Variants in CSNK1G1 observed in about 807,000 individuals in gnomAD.
The protein encoded by CSNK1G1 is casein kinase I isoform gamma-1.
In CSNK1G1, 22 loss-of-function variants were observed where a neutral mutation model predicts 59.6. That is an observed-to-expected ratio of 0.37 (90% CI 0.26 to 0.53). The LOEUF (loss-of-function observed/expected upper bound fraction) is 0.53, where lower values mean the gene tolerates loss of function less well. Among genes scored for constraint, CSNK1G1 ranks in the 20% least tolerant of loss-of-function variants. CSNK1G1 has a pLI of 0.89. For synonymous variants in CSNK1G1, 179 were observed against 177.1 expected, an observed-to-expected ratio of 1.01 and a Z score of -0.08; for missense variants, 384 against 519.5, an observed-to-expected ratio of 0.74 and a Z score of 2.54.
chr15:64,215,527 T>A (rs777889822), intron 5 of CSNK1G1, among the ~76,000 whole-genome samples: 22 of 152,198 alleles, frequency 1.4e-4, no homozygotes, highest in Non-Finnish European at 2.8e-4. Context: ...CTACTAACTT[T>A]TAGTAGAGAA....
chr15:64,325,041 A>G (rs191404367), intron 1 of CSNK1G1, among the ~76,000 whole-genome samples: 1 of 152,334 alleles, frequency 6.6e-6, no homozygotes, highest in East Asian at 1.9e-4. Flanking sequence ...TTGAACATGT[A>G]AAAAGCATCT....
intron 2 of CSNK1G1, among the ~76,000 whole-genome samples, chr15:64,268,307 C>G (rs1893090391): frequency 6.6e-6 from 1 of 151,972 alleles, no homozygotes; most frequent in African/African-American, 2.4e-5. Flanking sequence ...TGGTGGTTAT[C>G]AGAGGCTGGG....
intron 4 of CSNK1G1, among the ~76,000 whole-genome samples, chr15:64,231,464 T>C (rs1050040291): frequency 3.3e-5 from 5 of 149,706 alleles, no homozygotes; most frequent in African/African-American, 4.9e-5. Flanking sequence ...CACATATACA[T>C]ATATATATTA....
intron 1 of CSNK1G1, among the ~76,000 whole-genome samples, chr15:64,308,684 C>T (rs746987527): frequency 1.3e-5 from 2 of 152,042 alleles, no homozygotes; most frequent in Non-Finnish European, 1.5e-5. Context: ...ATCACGAGGT[C>T]AGGAGATCGA....
At chr15:64,265,763 C>T (rs1892943780) in intron 2 of CSNK1G1, 2 of 455,224 alleles carry the variant, frequency 4.4e-6, no homozygotes, top group Non-Finnish European at 8.8e-6. Context: ...AGAACACACA[C>T]ACCAAAAATG....
At chr15:64,304,483 G>C (rs891528150) in intron 1 of CSNK1G1, among the ~76,000 whole-genome samples, 22 of 150,468 alleles carry the variant, frequency 1.5e-4, no homozygotes, top group African/African-American at 5.4e-4. Context: ...AAGTTACTAA[G>C]TTTTTTAAAA....
At chr15:64,320,721 G>A (rs1226644592) in intron 1 of CSNK1G1, among the ~76,000 whole-genome samples, 1 of 151,098 alleles carries the variant, frequency 6.6e-6, no homozygotes, top group Non-Finnish European at 1.5e-5. Flanking sequence ...AAGAATACGG[G>A]TCCCATGCAA....
intron 4 of CSNK1G1, among the ~76,000 whole-genome samples, chr15:64,248,006 A>G (rs1312495533): frequency 6.6e-6 from 1 of 152,254 alleles, no homozygotes; most frequent in Non-Finnish European, 1.5e-5. Context: ...TTCACTGGAC[A>G]GTAATGAACA....
intron 6 of CSNK1G1, among the ~76,000 whole-genome samples, chr15:64,209,635 C>T (rs1290149983): frequency 6.6e-6 from 1 of 151,380 alleles, no homozygotes; most frequent in African/African-American, 2.4e-5. Flanking sequence ...CTGAAGTTTG[C>T]AATAAAATAT....
Position 64,334,958 on chromosome 15 carries a change from C to CT in CSNK1G1, c.-225+21029dup, listed in dbSNP as rs1566951783. Among the ~76,000 whole-genome samples, 8 of 152,296 alleles carry CT rather than the reference C, an allele frequency of 5.3e-5. No homozygotes were observed. In the South Asian group the frequency reaches 1.4e-3, roughly 28 times the overall value. ...CTATAACTACCTAATTTAGAGTAAG[C>CT]TTAGAGACCACAATATTATTTCCAT... On this transcript the variant is annotated intron_variant, in intron 1 of 11. Transcript: ENST00000303052.
intron 1 of CSNK1G1, among the ~76,000 whole-genome samples, chr15:64,326,417 G>A (rs1022729649): frequency 5.3e-5 from 8 of 152,090 alleles, no homozygotes; most frequent in Admixed American, 1.3e-4. Flanking sequence ...GCCGAGGTGC[G>A]CAGATCACCC....
chr15:64,185,963 T>C (rs1293768430), intron 10 of CSNK1G1, among the ~76,000 whole-genome samples: 1 of 152,052 alleles, frequency 6.6e-6, no homozygotes, highest in African/African-American at 2.4e-5. Flanking sequence ...ACCAAAGAGC[T>C]GCTCTTGCAG....
chr15:64,258,848 TTAAG>T (rs1892536643), intron 3 of CSNK1G1, among the ~76,000 whole-genome samples: 1 of 152,140 alleles, frequency 6.6e-6, no homozygotes, highest in Non-Finnish European at 1.5e-5. Flanking sequence ...AATAAATCAG[TTAAG>T]TTAGAGAAAA....
At chr15:64,351,592 T>C (rs1898289728) in intron 1 of CSNK1G1, among the ~76,000 whole-genome samples, 1 of 152,174 alleles carries the variant, frequency 6.6e-6, no homozygotes, top group African/African-American at 2.4e-5. Flanking sequence ...ATTAATAGAT[T>C]ATCGGGCCAG....
chr15:64,203,217 G>T, intron 9 of CSNK1G1, 28 bp from the exon 10 acceptor site: 1 of 1,442,036 alleles, frequency 6.9e-7, no homozygotes, highest in Non-Finnish European at 9.8e-7. Flanking sequence ...AAAGTCAAAT[G>T]GGGGAAACAG....
intron 7 of CSNK1G1, among the ~76,000 whole-genome samples, chr15:64,206,550 C>G (rs1265817363): frequency 4.2e-5 from 5 of 119,140 alleles, no homozygotes; most frequent in African/African-American, 1.3e-4. Context: ...GAGGTTGCAG[C>G]GAGCCCAGCC....
chr15:64,179,853 C>A (rs1256679805), intron 11 of CSNK1G1, among the ~76,000 whole-genome samples: 1 of 152,170 alleles, frequency 6.6e-6, no homozygotes, highest in Non-Finnish European at 1.5e-5. Context: ...TTCACAGATG[C>A]AGACTATAAT....
intron 1 of CSNK1G1, among the ~76,000 whole-genome samples, chr15:64,338,153 G>C (rs981272329): frequency 6.6e-6 from 1 of 152,146 alleles, no homozygotes; most frequent in African/African-American, 2.4e-5. Flanking sequence ...GTAGTCCTAT[G>C]TGTAACCTTT....
chr15:64,338,669 C>T (rs1227469001), intron 1 of CSNK1G1, among the ~76,000 whole-genome samples: 3 of 120,772 alleles, frequency 2.5e-5, no homozygotes, highest in Non-Finnish European at 4.8e-5. Flanking sequence ...CACTGCACTC[C>T]AGCCTGGGCA....
Sources: gnomAD v4.1 joint callset for allele counts (sites outside exome capture counted in the v4.1 genomes callset) on GRCh38, gnomAD v4.1.1 for gene constraint, MANE v1.5 for transcripts, NCBI Gene and HGNC (gene_info 2026-07-23, HGNC 2026-07-21) for gene names.